EHBP1: variants seen among roughly 807,000 people sequenced by gnomAD.
EHBP1 encodes the protein EH domain-binding protein 1.
In EHBP1, 55 loss-of-function variants were observed where a neutral mutation model predicts 144.0. The ratio of observed to expected loss-of-function variants is 0.38; its 90% CI spans 0.31 to 0.48. The LOEUF (loss-of-function observed/expected upper bound fraction) is 0.48. EHBP1 is among the 20% of genes least tolerant of loss of function. EHBP1 has a pLI of 0.98. For synonymous variants in EHBP1, 469 were observed against 472.7 expected, an observed-to-expected ratio of 0.99 and a Z score of 0.10; for missense variants, 1,200 against 1,364.2, an observed-to-expected ratio of 0.88 and a Z score of 1.90.
intron 5 of EHBP1, among the ~76,000 whole-genome samples, chr2:62,807,781 G>C (rs1233464408): frequency 6.6e-6 from 1 of 152,068 alleles, no homozygotes; most frequent in Non-Finnish European, 1.5e-5. Flanking sequence ...AGTTCACAGG[G>C]TACAGAATTC....
intron 10 of EHBP1, among the ~76,000 whole-genome samples, chr2:62,910,597 A>C (rs1430760170): frequency 2.7e-5 from 4 of 150,296 alleles, no homozygotes. Flanking sequence ...TGTTGAATGA[A>C]AAAAAAAAAT....
intron 3 of EHBP1, 78 bp downstream of exon 3, chr2:62,747,530 T>A: frequency 9.2e-7 from 1 of 1,086,590 alleles, no homozygotes; most frequent in South Asian, 1.5e-5. Context: ...TGTAGAATAT[T>A]TTAAAATATT....
chr2:62,805,796 T>G (rs1039918387), intron 5 of EHBP1, among the ~76,000 whole-genome samples: 13 of 151,130 alleles, frequency 8.6e-5, no homozygotes, highest in Admixed American at 4.6e-4. Context: ...GGATTACAGG[T>G]GTGAACCACT....
intron 1 of EHBP1, among the ~76,000 whole-genome samples, chr2:62,681,416 A>G (rs1038877789): frequency 2.1e-5 from 2 of 95,806 alleles, no homozygotes; most frequent in Non-Finnish European, 4.2e-5. Context: ...ATATATACAC[A>G]TACAAAAAAC....
intron 10 of EHBP1, among the ~76,000 whole-genome samples, chr2:62,884,136 C>T (rs1231532085): frequency 6.6e-6 from 1 of 152,104 alleles, no homozygotes; most frequent in African/African-American, 2.4e-5. Flanking sequence ...CATACATTTC[C>T]AAAGGAATCA....
At chr2:62,753,183 G>C (rs2039923482) in intron 3 of EHBP1, among the ~76,000 whole-genome samples, 1 of 152,144 alleles carries the variant, frequency 6.6e-6, no homozygotes, top group Admixed American at 6.6e-5. Context: ...ATGAGCTCTT[G>C]TAGGGCAGGC....
intron 2 of EHBP1, among the ~76,000 whole-genome samples, chr2:62,736,443 C>T (rs1251152986): frequency 3.3e-5 from 5 of 152,024 alleles, no homozygotes; most frequent in East Asian, 1.9e-4. Flanking sequence ...AGGCTGGTCT[C>T]GAACTCCTGA....
intron 6 of EHBP1, among the ~76,000 whole-genome samples, chr2:62,827,977 A>G (rs1332766393): frequency 6.6e-6 from 1 of 152,118 alleles, no homozygotes; most frequent in Non-Finnish European, 1.5e-5. Context: ...CCAGCAAGTT[A>G]ATATTTTAAG....
chr2:62,858,523 T>G (rs577620757), intron 7 of EHBP1: 2 of 1,567,730 alleles, frequency 1.3e-6, no homozygotes, highest in South Asian at 1.1e-5. Context: ...CTAAGAGCTT[T>G]CCTCCTTTCT....
intron 10 of EHBP1, among the ~76,000 whole-genome samples, chr2:62,884,929 A>G (rs1451884216): frequency 6.6e-6 from 1 of 152,254 alleles, no homozygotes; most frequent in Non-Finnish European, 1.5e-5. Flanking sequence ...AAATTATTAA[A>G]GAGTTTTTGA....
intron 5 of EHBP1, among the ~76,000 whole-genome samples, chr2:62,819,074 A>G (rs138682137): frequency 2.0e-5 from 3 of 152,250 alleles, no homozygotes; most frequent in East Asian, 1.9e-4. Context: ...TCATAGGCCT[A>G]TATGCTCCAT....
rs146389501 is a variant in EHBP1 at position 63,012,829 on chromosome 2, A to G, written c.3103+16063A>G. On this transcript the variant is annotated intron_variant, in intron 19 of 22. Transcript: ENST00000431489. ...TCTTTTGGGTCATCATTCAAGATAC[A>G]AGGGCAACCACAAGGATTTAGCAGA... Among the ~76,000 whole-genome samples, 507 of 152,322 alleles carry G rather than the reference A, an allele frequency of 3.3e-3. 6 individuals are homozygous for G. Among genetic ancestry groups the G allele is most frequent in the African/African-American group, 0.011 (471 of 41,580 alleles).
chr2:63,001,610 G>A (rs2059852745), intron 19 of EHBP1, among the ~76,000 whole-genome samples: 2 of 152,060 alleles, frequency 1.3e-5, no homozygotes, highest in Admixed American at 1.3e-4. Context: ...CACATATTTT[G>A]TTGTTTCTAA....
intron 2 of EHBP1, 61 bp from the exon 3 acceptor site, chr2:62,747,334 G>A (rs561573225): frequency 9.2e-6 from 14 of 1,515,076 alleles, no homozygotes; most frequent in South Asian, 3.5e-5. Context: ...TTTTAAAGGC[G>A]CTAAAATGAA....
intron 2 of EHBP1, among the ~76,000 whole-genome samples, chr2:62,715,179 A>G (rs187736836): frequency 1.3e-5 from 2 of 152,294 alleles, no homozygotes; most frequent in East Asian, 1.9e-4. Context: ...CAGTGGCACA[A>G]TCTTGGCTCA....
At chr2:62,760,625 C>T (rs1249593021) in intron 3 of EHBP1, among the ~76,000 whole-genome samples, 2 of 152,148 alleles carry the variant, frequency 1.3e-5, no homozygotes, top group African/African-American at 2.4e-5. Flanking sequence ...AGTTGTTAGA[C>T]GGTCTCCGTA....
intron 5 of EHBP1, among the ~76,000 whole-genome samples, chr2:62,796,583 ATTG>A (rs752081533): frequency 6.6e-5 from 10 of 152,268 alleles, no homozygotes; most frequent in East Asian, 1.9e-4. Flanking sequence ...CGTAATTTTG[ATTG>A]TTAAGATTTT....
intron 10 of EHBP1, among the ~76,000 whole-genome samples, chr2:62,875,134 C>T (rs968381778): frequency 5.3e-5 from 8 of 152,326 alleles, no homozygotes; most frequent in Admixed American, 2.6e-4. Flanking sequence ...ACCTCATTGC[C>T]GCCACCAGTG....
At chr2:62,727,277 TTTC>T (rs1286455826) in intron 2 of EHBP1, among the ~76,000 whole-genome samples, 4 of 152,104 alleles carry the variant, frequency 2.6e-5, no homozygotes, top group Non-Finnish European at 5.9e-5. Context: ...TTATTCTGGA[TTTC>T]TTCTTCTTCC....
Sources: allele counts gnomAD v4.1 joint callset (sites outside exome capture counted in the v4.1 genomes callset), GRCh38; gene constraint gnomAD v4.1.1; transcripts MANE v1.5; gene names NCBI Gene and HGNC (gene_info 2026-07-23, HGNC 2026-07-21).